ROR2: variants seen among roughly 807,000 people sequenced by gnomAD.
ROR2 encodes ROR family WNT receptor 2.
Under a neutral mutation model 74.9 loss-of-function variants are expected in ROR2, and 33 were observed. That is an observed-to-expected ratio of 0.44 (90% CI 0.33 to 0.59). The LOEUF (loss-of-function observed/expected upper bound fraction) is 0.59, where lower values mean the gene tolerates loss of function less well. Among genes scored for constraint, ROR2 ranks in the 20% least tolerant of loss-of-function variants. The pLI, the probability that ROR2 is intolerant of heterozygous loss-of-function variation, is 0.02. For missense variants in ROR2, 1,216 were observed against 1,313.8 expected (o/e 0.93, Z 1.15); for synonymous variants, 586 against 558.7 (o/e 1.05, Z -0.69).
At chr9:91,812,882 A>T (rs766630859) in intron 1 of ROR2, among the ~76,000 whole-genome samples, 1 of 152,216 alleles carries the variant, frequency 6.6e-6, no homozygotes. Flanking sequence ...TGAAAGCCAT[A>T]GCATTAGGCT....
At position 91,836,539 on chromosome 9, in the gene ROR2, C is replaced by CAAAA. The variant is rs753563302; in HGVS notation, c.98-60725_98-60722dup. 7.8e-5 allele frequency among the ~76,000 whole-genome samples: 8 copies of CAAAA among 102,484 alleles called. 1 individual carries two copies. Among genetic ancestry groups the CAAAA allele is most frequent in the African/African-American group, 2.3e-4 (7 of 30,276 alleles). The allele number at this position is 102,484 out of a possible 152,430, so 67.2% of individuals were successfully genotyped here. A position where few individuals can be genotyped will look rare whatever the true frequency, so the allele number is the denominator to read the frequency against. On this transcript the variant is annotated intron_variant, in intron 1 of 8. Coordinates refer to ENST00000375708, the MANE Select transcript of ROR2 (RefSeq NM_004560.4). ...TGGAAGACAGAGTGAGATTCCATCT[C>CAAAA]AAAAAAAAAAAAAAACAGTCTGCAG... is the stretch of plus-strand genomic sequence containing the variant.
chr9:91,767,382 T>C (rs1826092889), intron 2 of ROR2, among the ~76,000 whole-genome samples: 1 of 152,220 alleles, frequency 6.6e-6, no homozygotes, highest in South Asian at 2.1e-4. Flanking sequence ...CGACTTACGA[T>C]TTTTAAATCC....
In ROR2 at chr9:91,731,106, G is replaced by A. The variant is rs1327352519; in HGVS notation, c.987C>T (p.Ser329=). ...GGCACTGGTGGCCTGACTTGGTGGT[G>A]CTTGCCGTTCCTCTGTAATCCATGC... ...GSGMDYRGTA[S]TTKSGHQCQP... Residue 329 remains serine, a synonymous_variant, in exon 7 of 9, where the codon AGC becomes AGT. Coordinates refer to ENST00000375708, the MANE Select transcript of ROR2 (RefSeq NM_004560.4). The A allele has an allele frequency of 4.3e-6, 7 of 1,614,098 alleles. No individual in the cohort carries two copies. Among genetic ancestry groups the A allele is most frequent in the Non-Finnish European group, 5.9e-6 (7 of 1,180,030 alleles).
chr9:91,758,416 G>A lies in ROR2; in HGVS notation c.176-857C>T, dbSNP rs572462723. 2.0e-5 allele frequency among the ~76,000 whole-genome samples: 3 copies of A among 152,194 alleles called. No homozygotes were observed. In the South Asian group the frequency reaches 6.2e-4, roughly 32 times the overall value. On this transcript the variant is annotated intron_variant, in intron 2 of 8. Transcript: ENST00000375708. ...TGCCTACCATATCATTAAGCACAAAGCCACAGAAGTAAAATATTAAAAAAA... is the reference window on the plus strand; with the variant it reads ...TGCCTACCATATCATTAAGCACAAAACCACAGAAGTAAAATATTAAAAAAA...
At chr9:91,830,850 GTGTGTA>G (rs1489640700) in intron 1 of ROR2, among the ~76,000 whole-genome samples, 4 of 149,688 alleles carry the variant, frequency 2.7e-5, no homozygotes, top group African/African-American at 9.8e-5. Flanking sequence ...GTGTGTGTGT[GTGTGTA>G]GAGAAACTCA....
At chr9:91,927,852 C>T (rs1229986691) in intron 1 of ROR2, among the ~76,000 whole-genome samples, 1 of 152,150 alleles carries the variant, frequency 6.6e-6, no homozygotes, top group Non-Finnish European at 1.5e-5. Context: ...GCGTGAGCCA[C>T]CGCGCCCAGC....
Position 91,950,104 on chromosome 9 carries a change from G to C in ROR2, c.-141C>G. ...ACGGGTCCACTTCGAGGACCTCGTC[G>C]TCGTCCTCTTCTCCGGCCCGGATGC... On this transcript the variant is annotated 5_prime_UTR_variant, in exon 1 of 9. Transcript: ENST00000375708. 2.3e-6 allele frequency: 1 copy of C among 440,578 alleles called. No homozygotes were observed. Among genetic ancestry groups the C allele is most frequent in the South Asian group, 4.8e-5 (1 of 20,922 alleles). 27.3% of individuals were successfully genotyped at this position (440,578 alleles called of 1,614,324 possible).
rs35972600 is a variant in ROR2 at position 91,786,158 on chromosome 9, C to CAAAA, written c.98-10344_98-10341dup. On this transcript the variant is annotated intron_variant, in intron 1 of 8. Coordinates refer to ENST00000375708, the MANE Select transcript of ROR2 (RefSeq NM_004560.4). The stretch of plus-strand genomic sequence containing the variant: ...TAACATACGGAAACCCTGTTTCTAC[C>CAAAA]AAAAAAAAAAAAAAAAAAAAAAGCC... Among the ~76,000 whole-genome samples, 183 of 56,506 alleles carry CAAAA rather than the reference C, an allele frequency of 3.2e-3. 6 individuals carry two copies. Among genetic ancestry groups the CAAAA allele is most frequent in the African/African-American group, 0.011 (147 of 13,316 alleles). The allele number at this position is 56,506 out of a possible 152,430, so 37.1% of individuals were successfully genotyped here.
rs1021811440 is a variant in ROR2 at position 91,733,404 on chromosome 9, G to A, written c.655C>T (p.Leu219=). Residue 219 remains leucine (L), a synonymous_variant, in exon 6 of 9, where the codon CTG becomes TTG. Coordinates refer to ENST00000375708, the MANE Select transcript of ROR2 (RefSeq NM_004560.4). The surrounding 1 kb of genome is among the most constrained non-coding windows in gnomAD (Gnocchi z 5.7). ...GCGAACTGTGAGCACTGGTCCGACA[G>A]GTGCGTAGACGTGCCGATCATGGTG... is the stretch of plus-strand genomic sequence containing the variant. ...AFTMIGTSTH[L]SDQCSQFAIP... is the part of the protein sequence containing the mutation. 2 of 1,611,730 alleles carry A rather than the reference G, an allele frequency of 1.2e-6. No individual in the cohort carries two copies. Among genetic ancestry groups the A allele is most frequent in the African/African-American group, 1.3e-5 (1 of 75,060 alleles).
chr9:91,945,218 G>C (rs1684021252), intron 1 of ROR2, among the ~76,000 whole-genome samples: 1 of 152,198 alleles, frequency 6.6e-6, no homozygotes, highest in Non-Finnish European at 1.5e-5. Flanking sequence ...GGGAGGAAGT[G>C]AATCTTTAAT....
rs1227532122 is a variant in ROR2, at chr9:91,822,028, GA to G, written c.98-46211del. ...AGCCTCACAGTTAAACAAAAACCAAGAAAAGGCTAGAAAAAAAGGCGCTTCA... is the reference window on the plus strand; with the variant it reads ...AGCCTCACAGTTAAACAAAAACCAAGAAAGGCTAGAAAAAAAGGCGCTTCA... On this transcript the variant is annotated intron_variant, in intron 1 of 8. Transcript: ENST00000375708. Among the ~76,000 whole-genome samples, 4 of 152,154 alleles carry G rather than the reference GA, an allele frequency of 2.6e-5. No homozygotes were observed. In the East Asian group the frequency reaches 7.7e-4, roughly 29 times the overall value.
At chr9:91,767,057 CAG>C (rs1298015081) in intron 2 of ROR2, among the ~76,000 whole-genome samples, 2 of 151,790 alleles carry the variant, frequency 1.3e-5, no homozygotes, top group East Asian at 1.9e-4. Context: ...GTCTCACAGT[CAG>C]AGTCAGATCA....
intron 1 of ROR2, among the ~76,000 whole-genome samples, chr9:91,911,176 C>T (rs1830970455): frequency 6.6e-6 from 1 of 152,220 alleles, no homozygotes; most frequent in Non-Finnish European, 1.5e-5. Flanking sequence ...CAGTGTTCTA[C>T]ACACAGGCTC....
At chr9:91,940,342 G>A (rs1210873655) in intron 1 of ROR2, among the ~76,000 whole-genome samples, 4 of 152,194 alleles carry the variant, frequency 2.6e-5, no homozygotes, top group African/African-American at 4.8e-5. Flanking sequence ...CGAAATGAAC[G>A]TGGCAACTGT....
chr9:91,772,388 T>C (rs1051179978), intron 2 of ROR2, among the ~76,000 whole-genome samples: 1 of 152,212 alleles, frequency 6.6e-6, no homozygotes. Context: ...ATCCCGCCTA[T>C]GCTGGGGGTG....
intron 4 of ROR2, among the ~76,000 whole-genome samples, chr9:91,753,232 CAT>C (rs1175161834): frequency 6.6e-6 from 1 of 151,942 alleles, no homozygotes; most frequent in Admixed American, 6.6e-5. Flanking sequence ...AGAAATAAGA[CAT>C]AAAGAATTAT....
chr9:91,828,150 AAATT>A (rs1828349287), intron 1 of ROR2, among the ~76,000 whole-genome samples: 1 of 152,258 alleles, frequency 6.6e-6, no homozygotes, highest in Non-Finnish European at 1.5e-5. Flanking sequence ...GAGCATAAAT[AAATT>A]ATTGTACTTT....
intron 1 of ROR2, among the ~76,000 whole-genome samples, chr9:91,919,964 C>T (rs1027230192): frequency 6.6e-6 from 1 of 152,146 alleles, no homozygotes. Flanking sequence ...GGAGCAGCAC[C>T]CACCGCCATC....
At chr9:91,814,910 G>A (rs1827880016) in intron 1 of ROR2, among the ~76,000 whole-genome samples, 1 of 152,146 alleles carries the variant, frequency 6.6e-6, no homozygotes, top group African/African-American at 2.4e-5. Flanking sequence ...GGTTTCCACG[G>A]GCTTAGAGAA....
Sources: gnomAD v4.1 joint callset for allele counts (sites outside exome capture counted in the v4.1 genomes callset) on GRCh38, gnomAD v4.1.1 for gene constraint, Gnocchi (gnomAD v3.1) non-coding constraint, MANE v1.5 for transcripts, NCBI Gene and HGNC (gene_info 2026-07-23, HGNC 2026-07-21) for gene names.